MAF: variants seen among roughly 807,000 people sequenced by gnomAD.
The protein encoded by MAF is MAF bZIP transcription factor.
MAF carries 10 observed loss-of-function variants against 22.0 expected under a neutral mutation model. That is an observed-to-expected ratio of 0.45 (90% confidence interval 0.28 to 0.77). MAF has a LOEUF of 0.77. Ranked by LOEUF, MAF falls within the 30% of genes least tolerant of loss-of-function variation. The pLI, the probability that MAF is intolerant of heterozygous loss-of-function variation, is 0.12. For synonymous variants in MAF, 337 were observed against 255.8 expected, an observed-to-expected ratio of 1.32 and a Z score of -3.03; for missense variants, 544 against 548.4, an observed-to-expected ratio of 0.99 and a Z score of 0.08.
chr16:79,280,107 A>G, the MAF span, among the ~76,000 whole-genome samples: 13 of 152,228 alleles, frequency 8.5e-5, no homozygotes, highest in Admixed American at 3.3e-4. Flanking sequence ...AAGCTGCCCT[A>G]TTAACCAGAA....
At chr16:79,459,174 C>A in the MAF span, among the ~76,000 whole-genome samples, 1 of 152,188 alleles carries the variant, frequency 6.6e-6, no homozygotes, top group African/African-American at 2.4e-5. Flanking sequence ...CTGGGGTCAA[C>A]TACAGATTTG....
chr16:79,589,033 G>A (rs189185791), downstream of MAF, among the ~76,000 whole-genome samples: 34 of 152,258 alleles, frequency 2.2e-4, 1 homozygote, highest in African/African-American at 7.9e-4. Flanking sequence ...GTTTGTTTTA[G>A]TTTCAATGTA....
At chr16:79,572,009 A>G in the MAF span, among the ~76,000 whole-genome samples, 1 of 152,174 alleles carries the variant, frequency 6.6e-6, no homozygotes, top group Non-Finnish European at 1.5e-5. Flanking sequence ...GCATTGGTGT[A>G]TTTTAAGATA....
chr16:79,507,575 C>A, the MAF span, among the ~76,000 whole-genome samples: 2 of 151,994 alleles, frequency 1.3e-5, no homozygotes, highest in Admixed American at 6.6e-5. Flanking sequence ...CAGGCGCCCA[C>A]CACCATGCCT....
the MAF span, among the ~76,000 whole-genome samples, chr16:79,527,315 C>T: frequency 6.6e-6 from 1 of 152,184 alleles, no homozygotes; most frequent in Non-Finnish European, 1.5e-5. Flanking sequence ...GCCTTCTTAC[C>T]TTGCTTAAGT....
At chr16:79,379,958 C>T in the MAF span, among the ~76,000 whole-genome samples, 1 of 152,184 alleles carries the variant, frequency 6.6e-6, no homozygotes, top group Non-Finnish European at 1.5e-5. Context: ...TTCACAAAAT[C>T]CCCCAGAATG....
At chr16:79,595,279 G>A in intron 1 of MAF, 2 of 1,049,178 alleles carry the variant, frequency 1.9e-6, no homozygotes, top group Non-Finnish European at 2.3e-6. Context: ...TCAAAATGTC[G>A]AGGTTACACA....
chr16:79,218,212 G>A, the MAF span, among the ~76,000 whole-genome samples: 1 of 151,392 alleles, frequency 6.6e-6, no homozygotes, highest in African/African-American at 2.4e-5. Flanking sequence ...ATGGTATTTG[G>A]CTTCATGCCC....
the MAF span, among the ~76,000 whole-genome samples, chr16:79,412,067 G>C: frequency 1.3e-5 from 2 of 152,222 alleles, no homozygotes; most frequent in Admixed American, 6.5e-5. Flanking sequence ...GTCAGGCAGA[G>C]AGTGAGTGTT....
chr16:79,396,705 G>A, the MAF span, among the ~76,000 whole-genome samples: 1 of 152,204 alleles, frequency 6.6e-6, no homozygotes, highest in Admixed American at 6.5e-5. Context: ...GCTGCACACT[G>A]GAGTCACTGG....
At chr16:79,370,620 G>A in the MAF span, among the ~76,000 whole-genome samples, 1 of 152,112 alleles carries the variant, frequency 6.6e-6, no homozygotes, top group Non-Finnish European at 1.5e-5. Context: ...GGGTACAGAG[G>A]GATCATCCTC....
At chr16:79,565,421 C>G in the MAF span, among the ~76,000 whole-genome samples, 3 of 152,192 alleles carry the variant, frequency 2.0e-5, no homozygotes, top group Non-Finnish European at 4.4e-5. Context: ...TCTCCCTTAC[C>G]TCCCTTTCAC....
the MAF span, among the ~76,000 whole-genome samples, chr16:79,319,425 G>A: frequency 1.3e-5 from 2 of 152,210 alleles, no homozygotes; most frequent in Admixed American, 6.5e-5. Context: ...TAAAGCAGAA[G>A]GTTGATAAAC....
At chr16:79,500,881 T>C in the MAF span, among the ~76,000 whole-genome samples, 3 of 152,136 alleles carry the variant, frequency 2.0e-5, no homozygotes, top group Admixed American at 2.0e-4. Flanking sequence ...TCTTGACTGC[T>C]GACTCAAAAT....
the MAF span, among the ~76,000 whole-genome samples, chr16:79,345,679 G>A: frequency 8.7e-6 from 1 of 115,304 alleles, no homozygotes; most frequent in Non-Finnish European, 1.6e-5. Flanking sequence ...AGTAAGCCAA[G>A]ATCGCGCCAC....
the MAF span, among the ~76,000 whole-genome samples, chr16:79,315,043 AC>A: frequency 6.6e-6 from 1 of 152,098 alleles, no homozygotes; most frequent in Non-Finnish European, 1.5e-5. Context: ...TGCTGGCTGG[AC>A]CTTTTGTCTG....
chr16:79,517,300 G>A, the MAF span, among the ~76,000 whole-genome samples: 1 of 152,188 alleles, frequency 6.6e-6, no homozygotes, highest in Non-Finnish European at 1.5e-5. Context: ...GGAAACATGT[G>A]GAGACAAACG....
the MAF span, among the ~76,000 whole-genome samples, chr16:79,407,825 G>A: frequency 2.4e-4 from 37 of 152,158 alleles, no homozygotes; most frequent in South Asian, 2.9e-3. Context: ...TCGCGGCTTC[G>A]TTTCATGAAT....
the MAF span, among the ~76,000 whole-genome samples, chr16:79,333,667 T>C: frequency 6.6e-6 from 1 of 152,222 alleles, no homozygotes; most frequent in Admixed American, 6.5e-5. Context: ...AGAGACAATC[T>C]AACGCTGGAT....
Sources: gnomAD v4.1 joint callset for allele counts (sites outside exome capture counted in the v4.1 genomes callset) on GRCh38, gnomAD v4.1.1 for gene constraint, MANE v1.5 for transcripts, NCBI Gene and HGNC (gene_info 2026-07-23, HGNC 2026-07-21) for gene names.